ADD3: variants seen among roughly 807,000 people sequenced by gnomAD.
ADD3 encodes the protein gamma-adducin.
A neutral mutation model predicts 80.2 loss-of-function variants in ADD3; 25 were observed. The observed-to-expected ratio is 0.31, with a 90% CI of 0.23 to 0.44. The LOEUF is 0.44. Ranked by LOEUF, ADD3 falls within the 20% of genes least tolerant of loss-of-function variation. ADD3 has a pLI of 1.00. For synonymous variants in ADD3, 284 were observed against 289.6 expected (o/e 0.98, Z 0.20); for missense variants, 829 against 847.5 (o/e 0.98, Z 0.27).
intron 1 of ADD3, among the ~76,000 whole-genome samples, chr10:110,089,747 A>T (rs1473124801): frequency 2.0e-5 from 3 of 151,470 alleles, no homozygotes; most frequent in South Asian, 2.1e-4. Context: ...TATATATATA[A>T]AATCAGTTTC....
At chr10:110,129,621 T>C (rs1421052194) in intron 12 of ADD3, among the ~76,000 whole-genome samples, 2 of 152,200 alleles carry the variant, frequency 1.3e-5, no homozygotes, top group African/African-American at 2.4e-5. Context: ...CTATTGCCTC[T>C]AGTTTATGGG....
In ADD3 at chr10:110,098,022, G is replaced by A. The variant is rs143162200; in HGVS notation, c.-29-2603G>A. 1.4e-3 allele frequency among the ~76,000 whole-genome samples: 215 copies of A among 152,162 alleles called. 4 individuals carry two copies. Among genetic ancestry groups the A allele is most frequent in the African/African-American group, 4.9e-3 (202 of 41,536 alleles). On this transcript the variant is annotated intron_variant, in intron 1 of 14. Transcript: ENST00000356080. ...GATCTCCTGACCTCATGATCTGGCC[G>A]CCTTGGCCTCCCAAAGTGCTGGGAT...
intron 1 of ADD3, among the ~76,000 whole-genome samples, chr10:110,044,886 ATAG>A: frequency 6.6e-6 from 1 of 152,234 alleles, no homozygotes. Flanking sequence ...AGTCCTCAAA[ATAG>A]ATTGCTATGT....
At chr10:110,078,307 C>T (rs1845614633) in intron 1 of ADD3, among the ~76,000 whole-genome samples, 1 of 152,136 alleles carries the variant, frequency 6.6e-6, no homozygotes, top group South Asian at 2.1e-4. Context: ...TCTTTTCTAG[C>T]TTTGAGTACC....
intron 1 of ADD3, among the ~76,000 whole-genome samples, chr10:109,999,380 A>G (rs1851440289): frequency 6.6e-6 from 1 of 152,180 alleles, no homozygotes; most frequent in African/African-American, 2.4e-5. Context: ...TGCCACCGCC[A>G]TCACCTAAGG....
chr10:110,082,686 G>C (rs1279558827), intron 1 of ADD3, among the ~76,000 whole-genome samples: 1 of 152,132 alleles, frequency 6.6e-6, no homozygotes, highest in African/African-American at 2.4e-5. Context: ...TAACATTTTT[G>C]TATCATTATT....
intron 1 of ADD3, among the ~76,000 whole-genome samples, chr10:110,014,475 A>G (rs1271220365): frequency 6.6e-6 from 1 of 152,160 alleles, no homozygotes; most frequent in Non-Finnish European, 1.5e-5. Context: ...CCAACTTTTT[A>G]AAGGTGAAAA....
intron 1 of ADD3, among the ~76,000 whole-genome samples, chr10:110,017,859 G>T (rs1308708578): frequency 1.3e-5 from 2 of 152,144 alleles, no homozygotes; most frequent in Non-Finnish European, 2.9e-5. Flanking sequence ...TAATGGTCTT[G>T]TTTGTTAACA....
intron 1 of ADD3, among the ~76,000 whole-genome samples, chr10:110,061,138 G>A (rs1858837603): frequency 6.6e-6 from 1 of 152,208 alleles, no homozygotes; most frequent in Non-Finnish European, 1.5e-5. Flanking sequence ...AGATGAGAAA[G>A]AGGTAAGCCA....
At chr10:110,011,257 C>G (rs893557759) in intron 1 of ADD3, among the ~76,000 whole-genome samples, 2 of 152,146 alleles carry the variant, frequency 1.3e-5, no homozygotes, top group Non-Finnish European at 2.9e-5. Context: ...GTTCTAAATA[C>G]CACCTGAGTT....
chr10:110,074,196 T>C (rs1220537693), intron 1 of ADD3, among the ~76,000 whole-genome samples: 1 of 152,248 alleles, frequency 6.6e-6, no homozygotes, highest in East Asian at 1.9e-4. Flanking sequence ...TTTTGTACTT[T>C]TAGTCTACCA....
At chr10:110,012,064 GT>G (rs1852402156) in intron 1 of ADD3, among the ~76,000 whole-genome samples, 1 of 152,194 alleles carries the variant, frequency 6.6e-6, no homozygotes, top group African/African-American at 2.4e-5. Context: ...TATTCTTGCA[GT>G]AGCTAATTAT....
At chr10:110,117,483 T>G in intron 5 of ADD3, 61 bp downstream of exon 5, 1 of 974,460 alleles carries the variant, frequency 1.0e-6, no homozygotes, top group Non-Finnish European at 1.7e-6. Flanking sequence ...CTGACAGTTC[T>G]TAGCTTTTAG....
intron 1 of ADD3, among the ~76,000 whole-genome samples, chr10:110,029,437 G>C (rs760111947): frequency 1.5e-4 from 23 of 152,164 alleles, no homozygotes; most frequent in Non-Finnish European, 2.9e-4. Flanking sequence ...TATGACATTA[G>C]CTGTATAACA....
chr10:110,050,283 G>A (rs578023761), intron 1 of ADD3, among the ~76,000 whole-genome samples: 28 of 152,066 alleles, frequency 1.8e-4, no homozygotes, highest in Admixed American at 4.6e-4. Context: ...CCCATGTGCC[G>A]TAGGAGGGAC....
intron 2 of ADD3, 68 bp from the exon 3 acceptor site, chr10:110,112,709 G>A (rs1183476539): frequency 7.2e-6 from 11 of 1,531,906 alleles, no homozygotes; most frequent in Middle Eastern, 3.5e-4. Context: ...AAGATTGATT[G>A]TATCGGAACA....
chr10:110,061,866 A>G (rs1274982299), intron 1 of ADD3, among the ~76,000 whole-genome samples: 1 of 152,150 alleles, frequency 6.6e-6, no homozygotes, highest in Non-Finnish European at 1.5e-5. Flanking sequence ...TGTGGGAGTT[A>G]AAATCAGAGC....
chr10:110,001,516 CTCTTTCACATAA>C (rs1851484907), upstream of ADD3, among the ~76,000 whole-genome samples: 1 of 152,010 alleles, frequency 6.6e-6, no homozygotes. Context: ...TTATCTGAAT[CTCTTTCACATAA>C]TGAAACGGGG....
At chr10:110,105,554 C>T (rs1165641604) in intron 2 of ADD3, among the ~76,000 whole-genome samples, 1 of 152,182 alleles carries the variant, frequency 6.6e-6, no homozygotes, top group African/African-American at 2.4e-5. Flanking sequence ...AGTTGCTGGG[C>T]TTCCTAAGCC....
Sources: gnomAD v4.1 joint callset for allele counts (sites outside exome capture counted in the v4.1 genomes callset) on GRCh38, gnomAD v4.1.1 for gene constraint, MANE v1.5 for transcripts, NCBI Gene and HGNC (gene_info 2026-07-23, HGNC 2026-07-21) for gene names.